Variants in RC3H1 observed in about 807,000 individuals in gnomAD.
The protein encoded by RC3H1 is roquin-1.
Under a neutral mutation model 138.2 loss-of-function variants are expected in RC3H1, and 50 were observed. That is an observed-to-expected ratio of 0.36 (90% confidence interval 0.29 to 0.46). RC3H1 has a LOEUF of 0.46. Ranked by LOEUF, RC3H1 falls within the 20% of genes least tolerant of loss-of-function variation. The probability of loss-of-function intolerance (pLI) is 1.00; values close to 1 mark genes in which losing one functional copy is unlikely to be tolerated. For missense variants in RC3H1, 1,031 were observed against 1,388.1 expected (o/e 0.74, Z 4.09); for synonymous variants, 462 against 489.1 (o/e 0.94, Z 0.73).
intron 7 of RC3H1, among the ~76,000 whole-genome samples, chr1:173,976,180 T>C (rs1303570358): frequency 1.3e-5 from 2 of 152,130 alleles, no homozygotes; most frequent in Admixed American, 1.3e-4. Context: ...CTCATGCCTG[T>C]AATCCTAGCA....
intron 4 of RC3H1, 41 bp from the exon 5 acceptor site, chr1:173,982,943 A>G (rs867175826): frequency 6.5e-7 from 1 of 1,529,670 alleles, no homozygotes; most frequent in Middle Eastern, 1.7e-4. Context: ...TCAAGTACAT[A>G]GATAAGATAA....
In RC3H1 at chr1:173,932,802, A is replaced by AAATAAT. The variant is rs370491159; in HGVS notation, c.*5913_*5918dup. 2.0e-4 allele frequency: 31 copies of AAATAAT among 151,878 alleles called. No homozygotes were observed. The highest frequency in any genetic ancestry group is 2.9e-4 in the African/African-American group (12 of 41,448). 9.4% of individuals were successfully genotyped at this position (151,878 alleles called of 1,614,324 possible). On this transcript the variant is annotated 3_prime_UTR_variant, in exon 20 of 20. Coordinates refer to ENST00000367696, the MANE Select transcript of RC3H1 (RefSeq NM_172071.4). ...AAATAAATGGTGATTAAAAAAAGGC[A>AAATAAT]AATAATAATAATAATAATAATAGAG...
At position 173,978,628 on chromosome 1, in the gene RC3H1, A is replaced by G. The variant is rs1308026457; in HGVS notation, c.970-8T>C. The stretch of plus-strand genomic sequence containing the variant: ...AGAGGCTGGAGTCTGCAACTTAAAA[A>G]AGATAAATGTTAACTTTCCCAAAGG... On this transcript the variant is annotated splice_region_variant and splice_polypyrimidine_tract_variant and intron_variant, in intron 6 of 19. Transcript: ENST00000367696. The G allele has an allele frequency of 6.2e-7, 1 of 1,605,070 alleles. No individual in the cohort carries two copies. Among genetic ancestry groups the G allele is most frequent in the Admixed American group, 1.7e-5 (1 of 58,308 alleles).
intron 19 of RC3H1, 32 bp from the exon 20 acceptor site, chr1:173,938,903 A>G (rs1271951034): frequency 3.9e-6 from 6 of 1,537,480 alleles, no homozygotes; most frequent in Admixed American, 1.9e-5. Flanking sequence ...GAAAAAGGAG[A>G]GAGAGAAAAA....
chr1:173,972,467 A>T lies in RC3H1; in HGVS notation c.1221+42T>A, dbSNP rs373723028. ...TGGTTTACCTATAGTTTTAAGGCAT[A>T]TCCACAGTGGGTTAACTCTAAGTTT... On this transcript the variant is annotated intron_variant, in intron 8 of 19. Transcript: ENST00000367696. 3.6e-6 allele frequency: 5 copies of T among 1,386,840 alleles called. No homozygotes were observed. The African/African-American group carries it at 7.1e-5, about 20-fold the overall frequency. 85.9% of individuals were successfully genotyped at this position (1,386,840 alleles called of 1,614,324 possible).
chr1:173,971,090 T>G (rs963711951), intron 8 of RC3H1, among the ~76,000 whole-genome samples: 66 of 151,552 alleles, frequency 4.4e-4, no homozygotes, highest in Non-Finnish European at 1.5e-5. Flanking sequence ...GCCTCCTGAG[T>G]AGCTGGGATT....
At chr1:173,977,696 T>G (rs977784668) in intron 7 of RC3H1, among the ~76,000 whole-genome samples, 13 of 152,108 alleles carry the variant, frequency 8.5e-5, no homozygotes, top group African/African-American at 2.7e-4. Context: ...TCAGAGCATG[T>G]AGAGAAAACA....
intron 9 of RC3H1, among the ~76,000 whole-genome samples, chr1:173,969,771 A>G (rs1456278265): frequency 2.0e-5 from 3 of 151,784 alleles, no homozygotes; most frequent in Non-Finnish European, 4.4e-5. Flanking sequence ...TTCTTTCTTC[A>G]ATGAGCTGAA....
chr1:173,987,609 T>C (rs1223326985), intron 2 of RC3H1, among the ~76,000 whole-genome samples: 1 of 152,216 alleles, frequency 6.6e-6, no homozygotes. Flanking sequence ...GTTCCTTTTA[T>C]TGGAGAATGG....
At chr1:173,943,203 A>C (rs1658981888) in intron 18 of RC3H1, among the ~76,000 whole-genome samples, 1 of 152,244 alleles carries the variant, frequency 6.6e-6, no homozygotes, top group Non-Finnish European at 1.5e-5. Flanking sequence ...CAGAAGCATT[A>C]AAACCTTGTT....
intron 1 of RC3H1, among the ~76,000 whole-genome samples, chr1:173,995,674 T>C (rs560068204): frequency 2.0e-5 from 3 of 152,300 alleles, no homozygotes; most frequent in Non-Finnish European, 2.9e-5. Flanking sequence ...ACTCACTTTA[T>C]TGTTTTCAAT....
intron 2 of RC3H1, 66 bp downstream of exon 2, chr1:173,992,689 C>G (rs561817636): frequency 2.5e-6 from 3 of 1,181,150 alleles, no homozygotes; most frequent in South Asian, 2.6e-5. Context: ...CACACACACA[C>G]ACACACACAC....
chr1:174,020,876 G>C (rs1024239869), intron 1 of RC3H1, among the ~76,000 whole-genome samples: 2 of 152,140 alleles, frequency 1.3e-5, no homozygotes, highest in African/African-American at 4.8e-5. Flanking sequence ...GGGCATGGTG[G>C]CGGGCGCCTG....
chr1:173,978,372 A>T, intron 7 of RC3H1, 116 bp downstream of exon 7: 1 of 1,037,078 alleles, frequency 9.6e-7, no homozygotes, highest in Non-Finnish European at 1.4e-6. Flanking sequence ...ACTGTAAAAA[A>T]GATCTGGAGT....
rs1446401073 is a variant in RC3H1, at chr1:174,014,808, T to C, written c.-151+7288A>G. ...ATAGAAGATGAGAACCTAGATATAC[T>C]GGACTCCAAAGTGTATGTTCTATTT... On this transcript the variant is annotated intron_variant, in intron 1 of 19. Coordinates refer to ENST00000367696, the MANE Select transcript of RC3H1 (RefSeq NM_172071.4). Among the ~76,000 whole-genome samples the C allele has an allele frequency of 9.2e-5, 14 of 152,346 alleles. No individual in the cohort carries two copies. In the East Asian group the frequency reaches 2.3e-3, roughly 25 times the overall value.
At chr1:174,010,510 G>A (rs948431871) in intron 1 of RC3H1, among the ~76,000 whole-genome samples, 1 of 152,054 alleles carries the variant, frequency 6.6e-6, no homozygotes, top group Non-Finnish European at 1.5e-5. Flanking sequence ...GACCTCCCAG[G>A]CTCAAGCAAT....
chr1:173,961,399 A>C (rs1659868970), intron 12 of RC3H1, among the ~76,000 whole-genome samples, 155 bp from the exon 13 acceptor site: 1 of 151,862 alleles, frequency 6.6e-6, no homozygotes, highest in Non-Finnish European at 1.5e-5. Flanking sequence ...GTAAAACAAA[A>C]CCCCCCAAAC....
intron 1 of RC3H1, among the ~76,000 whole-genome samples, chr1:173,994,698 A>G (rs577421032): frequency 2.0e-5 from 3 of 150,950 alleles, no homozygotes; most frequent in African/African-American, 7.3e-5. Context: ...GCTAAGGGCT[A>G]AGGTAGGAGG....
At chr1:173,942,177 G>A (rs1658901468) in intron 18 of RC3H1, among the ~76,000 whole-genome samples, 1 of 151,662 alleles carries the variant, frequency 6.6e-6, no homozygotes, top group Non-Finnish European at 1.5e-5. Flanking sequence ...AGGAGGCAGA[G>A]GTTGCAGCGA....
Sources: allele counts gnomAD v4.1 joint callset (sites outside exome capture counted in the v4.1 genomes callset), GRCh38; gene constraint gnomAD v4.1.1; transcripts MANE v1.5; gene names NCBI Gene and HGNC (gene_info 2026-07-23, HGNC 2026-07-21).